GSAP: variants seen among roughly 807,000 people sequenced by gnomAD.
The protein encoded by GSAP is gamma-secretase-activating protein.
Under a neutral mutation model 131.7 loss-of-function variants are expected in GSAP, and 118 were observed. The ratio of observed to expected loss-of-function variants is 0.90; its 90% CI spans 0.77 to 1.04. The LOEUF is 1.04. Ranked by LOEUF, GSAP falls within the 50% of genes least tolerant of loss-of-function variation. The pLI, the probability that GSAP is intolerant of heterozygous loss-of-function variation, is 0.00. For synonymous variants in GSAP, 381 were observed against 363.4 expected, an observed-to-expected ratio of 1.05 and a Z score of -0.55; for missense variants, 1,019 against 1,013.2, an observed-to-expected ratio of 1.01 and a Z score of -0.08.
intron 3 of GSAP, among the ~76,000 whole-genome samples, chr7:77,402,104 A>C (rs915984595): frequency 3.9e-5 from 6 of 152,194 alleles, no homozygotes; most frequent in African/African-American, 1.4e-4. Flanking sequence ...TTAAAAAATA[A>C]AAACTTTTAG....
chr7:77,366,069 T>G (rs988810091), intron 12 of GSAP, among the ~76,000 whole-genome samples: 9 of 152,080 alleles, frequency 5.9e-5, no homozygotes, highest in Admixed American at 5.9e-4. Context: ...TCATGTCCTT[T>G]GCCCACTTTT....
At chr7:77,331,316 A>C (rs1171646531) in intron 19 of GSAP, among the ~76,000 whole-genome samples, 1 of 152,212 alleles carries the variant, frequency 6.6e-6, no homozygotes, top group Non-Finnish European at 1.5e-5. Flanking sequence ...AAATAAAAAT[A>C]AAAAAATACA....
intron 12 of GSAP, among the ~76,000 whole-genome samples, chr7:77,364,097 C>A (rs1163834792): frequency 6.6e-6 from 1 of 151,982 alleles, no homozygotes; most frequent in Admixed American, 6.5e-5. Flanking sequence ...AAACAAGGTA[C>A]CATAATTTTC....
intron 30 of GSAP, 178 bp from the exon 31 acceptor site, chr7:77,311,627 G>T: frequency 1.7e-6 from 1 of 589,684 alleles, no homozygotes; most frequent in Non-Finnish European, 3.0e-6. Flanking sequence ...AACCAAATGG[G>T]CTTTAAACCT....
chr7:77,377,604 AAT>A (rs1368849736), intron 8 of GSAP, among the ~76,000 whole-genome samples: 2 of 152,152 alleles, frequency 1.3e-5, no homozygotes, highest in African/African-American at 4.8e-5. Flanking sequence ...TCCCACGTAT[AAT>A]ATATGATTTT....
intron 19 of GSAP, among the ~76,000 whole-genome samples, chr7:77,333,817 G>T (rs1562925323): frequency 6.6e-6 from 1 of 152,124 alleles, no homozygotes; most frequent in Non-Finnish European, 1.5e-5. Context: ...ACCCAGAATG[G>T]AGGGGAGGGG....
chr7:77,414,844 C>CTTTTTTTTTT lies in GSAP; in HGVS notation c.109+1359_109+1368dup, dbSNP rs57095326. On this transcript the variant is annotated intron_variant, in intron 1 of 30. Coordinates refer to ENST00000257626, the MANE Select transcript of GSAP (RefSeq NM_017439.4). The stretch of plus-strand genomic sequence containing the variant: ...AAAAACTTTTCAGACATGTGGGCGA[C>CTTTTTTTTTT]TTTTTTTTTTTTTTTTTTTTTTTTT... 4.6e-3 allele frequency among the ~76,000 whole-genome samples: 275 copies of CTTTTTTTTTT among 59,866 alleles called. 50 individuals carry two copies. Among genetic ancestry groups the CTTTTTTTTTT allele is most frequent in the Middle Eastern group, 0.023 (2 of 86 alleles). 39.3% of individuals were successfully genotyped at this position (59,866 alleles called of 152,430 possible).
chr7:77,389,366 G>A (rs1330343671), intron 5 of GSAP, among the ~76,000 whole-genome samples: 2 of 148,328 alleles, frequency 1.3e-5, no homozygotes, highest in South Asian at 2.1e-4. Context: ...GTGAAATGCC[G>A]TCTCTACAAA....
intron 12 of GSAP, among the ~76,000 whole-genome samples, chr7:77,363,703 A>C (rs1488725102): frequency 6.6e-6 from 1 of 152,226 alleles, no homozygotes; most frequent in Non-Finnish European, 1.5e-5. Flanking sequence ...TAACACTGCA[A>C]AGTATTGTCA....
intron 4 of GSAP, 91 bp downstream of exon 4, chr7:77,397,255 G>C: frequency 1.2e-6 from 1 of 842,400 alleles, no homozygotes; most frequent in South Asian, 1.6e-5. Flanking sequence ...TATTGTTATA[G>C]AATAATTTAA....
chr7:77,414,053 AGGCACAGAATTTCCAT>A (rs1445373630), intron 1 of GSAP, among the ~76,000 whole-genome samples: 1 of 152,242 alleles, frequency 6.6e-6, no homozygotes, highest in African/African-American at 2.4e-5. Flanking sequence ...AAATGCTTAC[AGGCACAGAATTTCCAT>A]GGCTGACTCA....
intron 6 of GSAP, among the ~76,000 whole-genome samples, chr7:77,383,261 T>C (rs929270332): frequency 6.6e-6 from 1 of 152,072 alleles, no homozygotes; most frequent in African/African-American, 2.4e-5. Flanking sequence ...TTTGGAATAT[T>C]TGATTCTGAA....
chr7:77,314,269 C>T (rs1794732078), intron 27 of GSAP, 101 bp downstream of exon 27: 4 of 1,240,138 alleles, frequency 3.2e-6, no homozygotes, highest in Non-Finnish European at 4.6e-6. Context: ...CTTCTGAGTG[C>T]AGCCAGGCTC....
intron 5 of GSAP, among the ~76,000 whole-genome samples, 164 bp downstream of exon 5, chr7:77,396,818 A>T (rs982060196): frequency 2.0e-5 from 3 of 151,742 alleles, no homozygotes; most frequent in Non-Finnish European, 2.9e-5. Context: ...TGAAAAAAAA[A>T]TTTTTTTTAA....
At chr7:77,330,467 T>C (rs3750045) in intron 19 of GSAP, 100 bp from the exon 20 acceptor site, 179,290 of 1,471,644 alleles carry the variant, frequency 0.12, 15,395 homozygotes, top group East Asian at 0.42. Context: ...GCTCTCAGGG[T>C]CCACATTTCT....
At chr7:77,338,394 G>C (rs1485869143) in intron 19 of GSAP, among the ~76,000 whole-genome samples, 1 of 152,134 alleles carries the variant, frequency 6.6e-6, no homozygotes, top group Non-Finnish European at 1.5e-5. Context: ...ATAAGATGAG[G>C]AAGTCCTTTG....
intron 30 of GSAP, 51 bp from the exon 31 acceptor site, chr7:77,311,500 G>C: frequency 1.1e-6 from 1 of 901,914 alleles, no homozygotes; most frequent in Non-Finnish European, 1.8e-6. Context: ...ATGGGTCCGT[G>C]AAACATTTAT....
chr7:77,344,301 C>A (rs1442102352), intron 19 of GSAP, among the ~76,000 whole-genome samples: 4 of 152,176 alleles, frequency 2.6e-5, no homozygotes, highest in African/African-American at 9.7e-5. Flanking sequence ...GTAAAATGGA[C>A]TAATGGTCTT....
chr7:77,330,286 T>TAG lies in GSAP; in HGVS notation c.1626_1627insCT (p.Asn543LeufsTer13). On this transcript the variant is annotated frameshift_variant, in exon 20 of 31. Transcript: ENST00000257626. LOFTEE classifies it high-confidence loss of function. ...CACTCTCTCCTGACCACACTGTTGT[T>TAG]ATAGTGGAAGTGTGGCTTGGCGTAC... The TAG allele has an allele frequency of 6.2e-7, 1 of 1,613,930 alleles. No homozygotes were observed. Among genetic ancestry groups the TAG allele is most frequent in the Middle Eastern group, 1.6e-4 (1 of 6,062 alleles).
Sources: gnomAD v4.1 joint callset for allele counts (sites outside exome capture counted in the v4.1 genomes callset) on GRCh38, gnomAD v4.1.1 for gene constraint, MANE v1.5 for transcripts, NCBI Gene and HGNC (gene_info 2026-07-23, HGNC 2026-07-21) for gene names.